The following RBM19 variants were observed in gnomAD, a reference collection of about 807,000 sequenced individuals.
RBM19 encodes RNA binding motif protein 19.
A neutral mutation model predicts 116.8 loss-of-function variants in RBM19; 94 were observed. That is an observed-to-expected ratio of 0.80 (90% CI 0.68 to 0.95). The LOEUF (loss-of-function observed/expected upper bound fraction) is 0.95. Ranked by LOEUF, RBM19 falls within the 40% of genes least tolerant of loss-of-function variation. The pLI is 0.00. For missense variants in RBM19, 1,161 were observed against 1,220.7 expected (o/e 0.95, Z 0.73); for synonymous variants, 475 against 494.1 (o/e 0.96, Z 0.51).
chr12:113,959,386 A>T lies in RBM19; in HGVS notation c.397T>A (p.Phe133Ile). Residue 133 changes from phenylalanine (F) to isoleucine (I), a missense_variant, in exon 5 of 24, where the codon TTC (phenylalanine) becomes ATC (isoleucine). Physicochemically the swap from Phe to Ile is conservative, Grantham distance 21 (BLOSUM62 0). Coordinates refer to ENST00000261741, the MANE Select transcript of RBM19 (RefSeq NM_016196.4). ...TGATGAACTGACAGAAACTCCTGGA[A>T]CTCTGTATCCTCCTTCAGCTGGTGG... The part of the protein sequence containing the change: ...QLEKLKEDTE[F>I]QEFLSVHQRR... 1 of 1,607,082 alleles carries T rather than the reference A, an allele frequency of 6.2e-7. No individual in the cohort carries two copies. Among genetic ancestry groups the T allele is most frequent in the South Asian group, 1.1e-5 (1 of 90,924 alleles).
chr12:113,842,187 C>T (rs976353128), intron 23 of RBM19, among the ~76,000 whole-genome samples: 7 of 152,114 alleles, frequency 4.6e-5, no homozygotes, highest in African/African-American at 1.7e-4. Context: ...TCCACTGTGG[C>T]GAGGCAATAG....
chr12:113,936,966 C>A (rs1394265638), intron 16 of RBM19, 41 bp downstream of exon 16: 4 of 1,603,758 alleles, frequency 2.5e-6, no homozygotes, highest in Non-Finnish European at 8.5e-7. Flanking sequence ...CTTTCCCTCA[C>A]CAGGATCCCA....
chr12:113,878,706 G>A (rs898538944), intron 21 of RBM19, among the ~76,000 whole-genome samples: 3 of 151,612 alleles, frequency 2.0e-5, no homozygotes, highest in South Asian at 2.1e-4. Flanking sequence ...GCACGGGGAT[G>A]GCAGGAAAGC....
At chr12:113,946,137 T>C (rs1258833799) in intron 12 of RBM19, among the ~76,000 whole-genome samples, 1 of 152,204 alleles carries the variant, frequency 6.6e-6, no homozygotes, top group Non-Finnish European at 1.5e-5. Flanking sequence ...TGTCAGGGAC[T>C]AAGAACTTCA....
intron 1 of RBM19, among the ~76,000 whole-genome samples, chr12:113,962,701 C>T (rs147556695): frequency 7.7e-4 from 118 of 152,316 alleles, no homozygotes; most frequent in African/African-American, 2.7e-3. Flanking sequence ...AGACCAATTA[C>T]AGAAGCAGTA....
intron 22 of RBM19, among the ~76,000 whole-genome samples, chr12:113,856,036 G>C (rs1483706476): frequency 6.6e-6 from 1 of 152,188 alleles, no homozygotes; most frequent in Non-Finnish European, 1.5e-5. Flanking sequence ...AGACGAGTGC[G>C]TTCCATGGCA....
At chr12:113,949,578 A>G (rs775900879) in intron 9 of RBM19, among the ~76,000 whole-genome samples, 1 of 152,128 alleles carries the variant, frequency 6.6e-6, no homozygotes, top group African/African-American at 2.4e-5. Flanking sequence ...GGCTGGATTC[A>G]AATCACTTGT....
chr12:113,927,113 C>A lies in RBM19; in HGVS notation c.2185G>T (p.Gly729Ter). ...EEEEEEESLP[G>*]CTLFIKNLNF... ...AGATTCTTAATAAACAGAGTACATC[C>A]TGGGAGGCTCTCTTCTTCTTCTTCC... is the stretch of plus-strand genomic sequence containing the variant. The change falls in exon 17 of 24, where the codon GGA (glycine) becomes TGA (stop). Residue 729 changes from glycine (G) to a stop codon, truncating the protein, a stop_gained. Transcript: ENST00000261741. LOFTEE classifies it high-confidence loss of function. 2 of 1,613,522 alleles carry A rather than the reference C, an allele frequency of 1.2e-6. No individual in the cohort carries two copies. The highest frequency in any genetic ancestry group is 8.5e-7 in the Non-Finnish European group (1 of 1,179,968).
At chr12:113,858,669 C>CA in intron 22 of RBM19, 122 bp downstream of exon 22, 3 of 912,672 alleles carry the variant, frequency 3.3e-6, no homozygotes, top group Non-Finnish European at 3.5e-6. Context: ...GAAACAAAGG[C>CA]AAAAAAAGAA....
intron 18 of RBM19, among the ~76,000 whole-genome samples, chr12:113,920,903 C>A (rs1293729704): frequency 6.6e-6 from 1 of 152,170 alleles, no homozygotes; most frequent in East Asian, 1.9e-4. Context: ...CCACCTGAGG[C>A]CCATTTGACT....
intron 21 of RBM19, among the ~76,000 whole-genome samples, chr12:113,872,991 G>A (rs1593515577): frequency 6.6e-5 from 6 of 90,540 alleles, no homozygotes; most frequent in African/African-American, 1.1e-4. Flanking sequence ...GCCTCTGCCC[G>A]GCCGCCCCTA....
chr12:113,898,500 G>A lies in RBM19; in HGVS notation c.2558+16469C>T, dbSNP rs1881491392. Among the ~76,000 whole-genome samples the A allele has an allele frequency of 6.6e-6, 1 of 152,198 alleles. No individual in the cohort carries two copies. The highest frequency in any genetic ancestry group is 2.4e-5 in the African/African-American group (1 of 41,442). ...CATTTTTCTGTTCCCAATTCCAAGA[G>A]TAATTGGTTATCCATTCATTCATAA... On this transcript the variant is annotated intron_variant, in intron 21 of 23. Coordinates refer to ENST00000261741, the MANE Select transcript of RBM19 (RefSeq NM_016196.4). This position sits in a 1 kb window ranked among gnomAD's most constrained non-coding sequence, Gnocchi z 4.3.
intron 10 of RBM19, 43 bp downstream of exon 10, chr12:113,948,790 C>T (rs367571025): frequency 4.4e-6 from 7 of 1,597,508 alleles, no homozygotes; most frequent in Non-Finnish European, 6.0e-6. Context: ...GCCCGGCTCC[C>T]ATAGCCGCTG....
intron 16 of RBM19, among the ~76,000 whole-genome samples, chr12:113,935,181 C>T (rs755648609): frequency 3.9e-5 from 6 of 152,158 alleles, no homozygotes; most frequent in African/African-American, 7.2e-5. Flanking sequence ...TTGGGAGCCA[C>T]CACGTGTCCC....
intron 23 of RBM19, among the ~76,000 whole-genome samples, 173 bp from the exon 24 acceptor site, chr12:113,823,494 G>C (rs1874600705): frequency 6.6e-6 from 1 of 152,066 alleles, no homozygotes; most frequent in African/African-American, 2.4e-5. Flanking sequence ...GGAGAGCGGA[G>C]GGAGAGAAGA....
intron 21 of RBM19, among the ~76,000 whole-genome samples, chr12:113,893,374 C>T (rs1044369930): frequency 6.6e-6 from 1 of 152,142 alleles, no homozygotes; most frequent in Admixed American, 6.5e-5. Flanking sequence ...AAGCAATCCG[C>T]CCGCCTTGCC....
chr12:113,887,442 C>A (rs1880603977), intron 21 of RBM19, among the ~76,000 whole-genome samples: 2 of 151,836 alleles, frequency 1.3e-5, no homozygotes, highest in Admixed American at 1.3e-4. Flanking sequence ...TCGAGACCAT[C>A]CTGGCTAACA....
chr12:113,884,298 TACACACACACACACACAC>T (rs56150788), intron 21 of RBM19, among the ~76,000 whole-genome samples: 1 of 137,298 alleles, frequency 7.3e-6, no homozygotes, highest in Admixed American at 7.3e-5. Flanking sequence ...AAAAAAAGTA[TACACACACACACACACAC>T]ACACACACAC....
At chr12:113,955,753 T>C (rs1566041706) in intron 6 of RBM19, among the ~76,000 whole-genome samples, 1 of 152,128 alleles carries the variant, frequency 6.6e-6, no homozygotes, top group South Asian at 2.1e-4. Flanking sequence ...AAGCCTGCCC[T>C]GAGTGGATGT....
Sources: gnomAD v4.1 joint callset for allele counts (sites outside exome capture counted in the v4.1 genomes callset) on GRCh38, gnomAD v4.1.1 for gene constraint, Gnocchi (gnomAD v3.1) non-coding constraint, MANE v1.5 for transcripts, NCBI Gene and HGNC (gene_info 2026-07-23, HGNC 2026-07-21) for gene names.